Variants in ATXN3 observed in about 807,000 individuals in gnomAD.
ATXN3 encodes ataxin 3.
In ATXN3, 28 loss-of-function variants were observed where a neutral mutation model predicts 58.2. The observed-to-expected ratio is 0.48, with a 90% CI of 0.36 to 0.66. The LOEUF (loss-of-function observed/expected upper bound fraction) is 0.66, where lower values mean the gene tolerates loss of function less well. Ranked by LOEUF, ATXN3 falls within the 30% of genes least tolerant of loss-of-function variation. The pLI is 0.00. For synonymous variants in ATXN3, 113 were observed against 138.5 expected (o/e 0.82, Z 1.29); for missense variants, 321 against 422.1 (o/e 0.76, Z 2.10).
At chr14:92,079,122 G>A (rs11846742) in intron 9 of ATXN3, among the ~76,000 whole-genome samples, 43,104 of 148,166 alleles carry the variant, frequency 0.29, 6,595 homozygotes, top group East Asian at 0.44. Flanking sequence ...GGAGGCAGAG[G>A]TTGCAGTGAG....
rs193922928 is a variant in ATXN3, at chr14:92,071,010, CCTGCTG to C, written c.910_915del (p.Gln304_Gln305del). On this transcript the variant is annotated inframe_deletion, in exon 10 of 11. Transcript: ENST00000644486. ...TGTGAACTCTGTCCTGATAGGTCCC[CCTGCTG>C]CTGCTGCTGCTGCTGCTGTTGCTGC... is the stretch of plus-strand genomic sequence containing the variant. 2.1e-5 allele frequency: 30 copies of C among 1,456,940 alleles called. No homozygotes were observed. Among genetic ancestry groups the C allele is most frequent in the African/African-American group, 1.7e-4 (11 of 63,764 alleles). The allele number at this position is 1,456,940 out of a possible 1,614,324, so 90.3% of individuals were successfully genotyped here.
intron 1 of ATXN3, among the ~76,000 whole-genome samples, chr14:92,106,035 C>A (rs919799772): frequency 6.6e-6 from 1 of 152,156 alleles, no homozygotes; most frequent in African/African-American, 2.4e-5. Context: ...AAGACACGAA[C>A]AAGACCCCAA....
chr14:92,065,104 C>T (rs2058149144), intron 10 of ATXN3, among the ~76,000 whole-genome samples: 1 of 152,182 alleles, frequency 6.6e-6, no homozygotes, highest in African/African-American at 2.4e-5. Context: ...ATTTATATTC[C>T]CACCCACCTA....
rs1555392594 is a variant in ATXN3, at chr14:92,060,270, A to ATATAT, written c.*4049_*4050insATATA. On this transcript the variant is annotated 3_prime_UTR_variant, in exon 11 of 11. Coordinates refer to ENST00000644486, the MANE Select transcript of ATXN3 (RefSeq NM_004993.6). ...CACACATATATATATATATATATATATTTTTTTTTTTCAGAAACAGTGTCT... is the reference window on the plus strand; with the variant it reads ...CACACATATATATATATATATATATATATATTTTTTTTTTTTCAGAAACAGTGTCT... 88 of 117,404 alleles carry ATATAT rather than the reference A, an allele frequency of 7.5e-4. 1 individual carries two copies. The highest frequency in any genetic ancestry group is 2.5e-3 in the African/African-American group (71 of 28,334). 7.3% of individuals were successfully genotyped at this position (117,404 alleles called of 1,614,324 possible). A position where few individuals can be genotyped will look rare whatever the true frequency, so the allele number is the denominator to read the frequency against.
intron 5 of ATXN3, among the ~76,000 whole-genome samples, chr14:92,092,767 G>A (rs142358420): frequency 4.6e-5 from 7 of 150,814 alleles, no homozygotes; most frequent in African/African-American, 1.7e-4. Context: ...TATCTATCAA[G>A]AAGGATAAAC....
At chr14:92,081,402 G>C (rs962820787) in intron 8 of ATXN3, among the ~76,000 whole-genome samples, 1 of 147,970 alleles carries the variant, frequency 6.8e-6, no homozygotes, top group African/African-American at 2.5e-5. Flanking sequence ...GAACCTCGGA[G>C]GCAGGGGTTG....
At chr14:92,044,936 G>A (rs2057419473) in exon 3 of ATXN3, 1 of 152,082 alleles carries the variant, frequency 6.6e-6, no homozygotes, top group African/African-American at 2.4e-5. Context: ...GTCCAGCTAG[G>A]GTGTCTTCAT....
At chr14:92,101,187 C>T (rs2066688019) in intron 1 of ATXN3, among the ~76,000 whole-genome samples, 1 of 152,034 alleles carries the variant, frequency 6.6e-6, no homozygotes, top group African/African-American at 2.4e-5. Context: ...TCACTTAAGG[C>T]TAGGCACAGT....
At chr14:92,106,064 G>C (rs1049518051) in intron 1 of ATXN3, among the ~76,000 whole-genome samples, 1 of 151,566 alleles carries the variant, frequency 6.6e-6, no homozygotes, top group Non-Finnish European at 1.5e-5. Flanking sequence ...GTGTAGGGAA[G>C]ACTCCAATAT....
intron 1 of ATXN3, among the ~76,000 whole-genome samples, chr14:92,100,680 A>G (rs2066566303): frequency 6.6e-6 from 1 of 152,186 alleles, no homozygotes; most frequent in African/African-American, 2.4e-5. Flanking sequence ...AAACTCATTT[A>G]TGATGTCAGA....
chr14:92,090,680 C>T (rs898006877), intron 5 of ATXN3: 3 of 151,934 alleles, frequency 2.0e-5, no homozygotes, highest in African/African-American at 7.3e-5. Flanking sequence ...TCAAAGATAA[C>T]GTAATTCAAA....
chr14:92,053,330 T>A (rs1566884269), upstream of ATXN3, among the ~76,000 whole-genome samples: 2 of 152,142 alleles, frequency 1.3e-5, no homozygotes, highest in Admixed American at 1.3e-4. Flanking sequence ...TAAGCTAAGA[T>A]GCATGGCAAC....
At chr14:92,100,561 T>A (rs2066538649) in intron 1 of ATXN3, among the ~76,000 whole-genome samples, 1 of 152,082 alleles carries the variant, frequency 6.6e-6, no homozygotes, top group African/African-American at 2.4e-5. Context: ...CAGTAGTTAA[T>A]TCTGGAACAG....
intron 10 of ATXN3, among the ~76,000 whole-genome samples, chr14:92,065,030 AACC>A (rs1179743928): frequency 2.6e-5 from 4 of 152,234 alleles, no homozygotes; most frequent in East Asian, 1.9e-4. Context: ...GTATTCATGT[AACC>A]ACCACCACTA....
At chr14:92,072,708 A>AG (rs1253751152) in intron 9 of ATXN3, among the ~76,000 whole-genome samples, 9 of 151,254 alleles carry the variant, frequency 6.0e-5, no homozygotes, top group Admixed American at 5.3e-4. Context: ...AAAAAAAAAA[A>AG]AAAAAAAAAA....
intron 9 of ATXN3, among the ~76,000 whole-genome samples, chr14:92,072,376 C>T (rs2059593192): frequency 2.0e-5 from 3 of 152,104 alleles, no homozygotes; most frequent in African/African-American, 7.2e-5. Context: ...TCTGAAATTA[C>T]AGGTCAAGCA....
intron 8 of ATXN3, among the ~76,000 whole-genome samples, chr14:92,081,459 C>G: frequency 9.4e-6 from 1 of 106,130 alleles, no homozygotes; most frequent in Non-Finnish European, 1.7e-5. Context: ...CAGTGAGACT[C>G]TGACTCAAAA....
chr14:92,065,960 T>C (rs1258914542), intron 10 of ATXN3, among the ~76,000 whole-genome samples: 1 of 152,134 alleles, frequency 6.6e-6, no homozygotes, highest in Non-Finnish European at 1.5e-5. Flanking sequence ...AAAATAGTTT[T>C]CTAAATGTTT....
At position 92,083,216 on chromosome 14, in the gene ATXN3, T is replaced by C; in HGVS notation, c.518A>G (p.Glu173Gly). Residue 173 changes from glutamate (E) to glycine (G), a missense_variant, in exon 7 of 11, where the codon GAA becomes GGA. Glu to Gly is a moderately conservative substitution (Grantham distance 98, BLOSUM62 -2). Around this residue, in one of 2 missense-constraint regions of ATXN3, gnomAD observed 200 missense variants for 223.2 expected, o/e 0.90. Transcript: ENST00000644486. The stretch of plus-strand genomic sequence containing the variant: ...AATCATCTGCAGGAGTTGGTCAGCT[T>C]CGCAATCTGGCAGATCACCCTTAAC... ...FVVKGDLPDC[E>G]ADQLLQMIRV... 6.2e-7 allele frequency: 1 copy of C among 1,613,756 alleles called. No individual in the cohort carries two copies. The highest frequency in any genetic ancestry group is 8.5e-7 in the Non-Finnish European group (1 of 1,179,918).
Sources: gnomAD v4.1 joint callset for allele counts (sites outside exome capture counted in the v4.1 genomes callset) on GRCh38, gnomAD v4.1.1 for gene constraint, gnomAD v4.1.1 regional missense constraint, MANE v1.5 for transcripts, NCBI Gene and HGNC (gene_info 2026-07-23, HGNC 2026-07-21) for gene names.